CDK5RAP2: variants seen among roughly 807,000 people sequenced by gnomAD.
CDK5RAP2 encodes CDK5 regulatory subunit-associated protein 2.
A neutral mutation model predicts 232.9 loss-of-function variants in CDK5RAP2; 147 were observed. That is an observed-to-expected ratio of 0.63 (90% CI 0.55 to 0.72). CDK5RAP2 has a LOEUF of 0.72. Ranked by LOEUF, CDK5RAP2 falls within the 30% of genes least tolerant of loss-of-function variation. CDK5RAP2 has a pLI of 0.00. For synonymous variants in CDK5RAP2, 833 were observed against 833.7 expected, an observed-to-expected ratio of 1.00 and a Z score of 0.01; for missense variants, 2,195 against 2,231.5, an observed-to-expected ratio of 0.98 and a Z score of 0.33.
At chr9:120,503,155 CTG>C (rs2039653611) in intron 12 of CDK5RAP2, among the ~76,000 whole-genome samples, 1 of 152,188 alleles carries the variant, frequency 6.6e-6, no homozygotes, top group South Asian at 2.1e-4. Context: ...TAAAACCACT[CTG>C]TGACATAGGC....
chr9:120,533,855 T>TC (rs1338384828), intron 7 of CDK5RAP2, among the ~76,000 whole-genome samples: 1 of 150,134 alleles, frequency 6.7e-6, no homozygotes, highest in Admixed American at 6.6e-5. Flanking sequence ...CTGTAGCTTT[T>TC]CCCCTTATCC....
chr9:120,516,888 A>G (rs2040365217), intron 12 of CDK5RAP2, among the ~76,000 whole-genome samples: 1 of 152,238 alleles, frequency 6.6e-6, no homozygotes, highest in Admixed American at 6.5e-5. Flanking sequence ...CTCACTCCTC[A>G]GGATCTATCC....
chr9:120,476,507 A>G (rs111443506), intron 15 of CDK5RAP2, among the ~76,000 whole-genome samples: 8,841 of 151,854 alleles, frequency 0.058, 851 homozygotes, highest in African/African-American at 0.2. Flanking sequence ...GTGAAACACC[A>G]TCTCTACTAA....
intron 2 of CDK5RAP2, among the ~76,000 whole-genome samples, chr9:120,570,036 G>A (rs1053643302): frequency 9.2e-5 from 14 of 152,178 alleles, no homozygotes; most frequent in African/African-American, 3.4e-4. Flanking sequence ...AAAGGGTGGT[G>A]AGCTTTGAGC....
chr9:120,464,160 C>A (rs910354806), intron 18 of CDK5RAP2, among the ~76,000 whole-genome samples: 5 of 152,262 alleles, frequency 3.3e-5, no homozygotes, highest in African/African-American at 1.2e-4. Context: ...CTCCTTGAAA[C>A]CCCACGCTGT....
intron 2 of CDK5RAP2, among the ~76,000 whole-genome samples, chr9:120,569,182 G>A (rs1381269603): frequency 6.6e-6 from 1 of 152,188 alleles, no homozygotes; most frequent in Admixed American, 6.5e-5. Flanking sequence ...CACTTTGTAG[G>A]TGTTCAGTAA....
intron 12 of CDK5RAP2, among the ~76,000 whole-genome samples, chr9:120,517,335 C>T (rs527669268): frequency 2.0e-5 from 3 of 152,248 alleles, no homozygotes; most frequent in Admixed American, 6.5e-5. Context: ...TTTCACCTTC[C>T]GGATCCTGGT....
At chr9:120,476,918 G>C (rs952109078) in intron 15 of CDK5RAP2, among the ~76,000 whole-genome samples, 6 of 152,040 alleles carry the variant, frequency 3.9e-5, no homozygotes, top group African/African-American at 9.7e-5. Flanking sequence ...TGAGTCCCAG[G>C]GTTCTGTCAC....
intron 12 of CDK5RAP2, among the ~76,000 whole-genome samples, chr9:120,508,477 T>C (rs2039933936): frequency 6.6e-6 from 1 of 152,224 alleles, no homozygotes; most frequent in Non-Finnish European, 1.5e-5. Context: ...GTCCTTGGCA[T>C]ACAGAACTAA....
chr9:120,536,668 A>G, intron 6 of CDK5RAP2, 142 bp from the exon 7 acceptor site: 1 of 826,672 alleles, frequency 1.2e-6, no homozygotes, highest in Non-Finnish European at 2.0e-6. Context: ...ACATGGAGAG[A>G]ATCAGTAATA....
chr9:120,446,958 T>G (rs1438734843), intron 22 of CDK5RAP2, among the ~76,000 whole-genome samples: 1 of 152,176 alleles, frequency 6.6e-6, no homozygotes, highest in East Asian at 1.9e-4. Flanking sequence ...GTACATATGC[T>G]TATCAGCTTT....
intron 5 of CDK5RAP2, 116 bp from the exon 6 acceptor site, chr9:120,539,280 G>C (rs1342497054): frequency 1.4e-5 from 18 of 1,287,872 alleles, no homozygotes; most frequent in Admixed American, 1.9e-5. Flanking sequence ...CCTGTGCTGA[G>C]CTTCTTTTTC....
chr9:120,433,239 C>A (rs1011050834), intron 25 of CDK5RAP2, among the ~76,000 whole-genome samples: 1 of 152,160 alleles, frequency 6.6e-6, no homozygotes, highest in Non-Finnish European at 1.5e-5. Context: ...ATCCTGGTTC[C>A]GCCAAGTCAG....
At chr9:120,399,651 A>C (rs2032824422) in intron 35 of CDK5RAP2, among the ~76,000 whole-genome samples, 1 of 152,352 alleles carries the variant, frequency 6.6e-6, no homozygotes, top group East Asian at 1.9e-4. Context: ...AAGATGGAAC[A>C]GGACCTGGTG....
chr9:120,408,086 A>G (rs890811615), intron 31 of CDK5RAP2: 13 of 501,244 alleles, frequency 2.6e-5, no homozygotes, highest in African/African-American at 1.7e-4. Flanking sequence ...GAAGTGGCCT[A>G]CTGAGGGTCA....
At chr9:120,575,534 A>G (rs1261760683) in intron 1 of CDK5RAP2, among the ~76,000 whole-genome samples, 1 of 152,208 alleles carries the variant, frequency 6.6e-6, no homozygotes. Flanking sequence ...TGTCTCCTTG[A>G]CAAATTGTTT....
chr9:120,481,210 T>A (rs1320545929), intron 14 of CDK5RAP2, among the ~76,000 whole-genome samples: 1 of 152,226 alleles, frequency 6.6e-6, no homozygotes, highest in Non-Finnish European at 1.5e-5. Context: ...AAGGTCAGGA[T>A]GGTGAGGCCA....
At chr9:120,497,566 T>A (rs1041689725) in intron 12 of CDK5RAP2, among the ~76,000 whole-genome samples, 3 of 151,854 alleles carry the variant, frequency 2.0e-5, no homozygotes, top group African/African-American at 7.3e-5. Context: ...AAATAGTGAC[T>A]TTATAGTGAA....
At chr9:120,553,027 T>C (rs1260820749) in intron 3 of CDK5RAP2, among the ~76,000 whole-genome samples, 1 of 152,080 alleles carries the variant, frequency 6.6e-6, no homozygotes, top group African/African-American at 2.4e-5. Context: ...CAATAAAAAG[T>C]TGGGGGAAAA....
Sources: gnomAD v4.1 joint callset for allele counts (sites outside exome capture counted in the v4.1 genomes callset) on GRCh38, gnomAD v4.1.1 for gene constraint, MANE v1.5 for transcripts, NCBI Gene and HGNC (gene_info 2026-07-23, HGNC 2026-07-21) for gene names.